The following TBC1D23 variants were observed in gnomAD, a reference collection of about 807,000 sequenced individuals.
TBC1D23 encodes the protein HCV non-structural protein 4A-transactivated protein 1.
Under a neutral mutation model 91.4 loss-of-function variants are expected in TBC1D23, and 55 were observed. That is an observed-to-expected ratio of 0.60 (90% CI 0.48 to 0.75). The LOEUF is 0.75. Among genes scored for constraint, TBC1D23 ranks in the 30% least tolerant of loss-of-function variants. The pLI is 0.00. For synonymous variants in TBC1D23, 289 were observed against 281.0 expected (o/e 1.03, Z -0.28); for missense variants, 725 against 836.1 (o/e 0.87, Z 1.64).
intron 15 of TBC1D23, among the ~76,000 whole-genome samples, chr3:100,315,325 G>C (rs1213180230): frequency 6.6e-6 from 1 of 152,024 alleles, no homozygotes; most frequent in Admixed American, 6.6e-5. Flanking sequence ...ACCATGCCCA[G>C]CCAATTTTGT....
At chr3:100,281,393 A>G (rs2067693310) in intron 2 of TBC1D23, among the ~76,000 whole-genome samples, 1 of 152,216 alleles carries the variant, frequency 6.6e-6, no homozygotes, top group Non-Finnish European at 1.5e-5. Flanking sequence ...ATTCTTTTGT[A>G]TAATTTTAAA....
Position 100,265,035 on chromosome 3 carries a change from A to G in TBC1D23, c.53+3964A>G, listed in dbSNP as rs969343512. 2.0e-5 allele frequency among the ~76,000 whole-genome samples: 3 copies of G among 152,326 alleles called. No individual in the cohort carries two copies. The South Asian group carries it at 6.2e-4, about 32-fold the overall frequency. On this transcript the variant is annotated intron_variant, in intron 1 of 18. Transcript: ENST00000394144. The stretch of plus-strand genomic sequence containing the variant: ...GGTTCTAGGTTATATATATATCAGA[A>G]TGAGTAGGTCAGAGGAATTTGTATA...
chr3:100,323,626 A>G lies in TBC1D23; in HGVS notation c.2058A>G (p.Ile686Met). Residue 686 changes from isoleucine (I) to methionine (M), a missense_variant, in exon 19 of 19, where the codon ATA becomes ATG. Physicochemically the swap from Ile to Met is conservative, Grantham distance 10. Coordinates refer to ENST00000394144, the MANE Select transcript of TBC1D23 (RefSeq NM_001199198.3). ...IPNAGDATKAIKQQIMKVLDA... is the reference protein window; with the variant it reads ...IPNAGDATKAMKQQIMKVLDA... Reference sequence around the variant, plus strand: ...ATGCAGGGGATGCAACTAAAGCCATAAAACAGCAGATCATGAAAGTTTTGG... The same window carrying G: ...ATGCAGGGGATGCAACTAAAGCCATGAAACAGCAGATCATGAAAGTTTTGG... 1 of 1,539,860 alleles carries G rather than the reference A, an allele frequency of 6.5e-7. No individual in the cohort carries two copies. The highest frequency in any genetic ancestry group is 2.4e-5 in the East Asian group (1 of 42,112).
chr3:100,263,577 A>G (rs1445468321), intron 1 of TBC1D23, among the ~76,000 whole-genome samples: 1 of 152,264 alleles, frequency 6.6e-6, no homozygotes, highest in African/African-American at 2.4e-5. Context: ...TCCTGCAAGA[A>G]TGGCAAGAGA....
intron 1 of TBC1D23, among the ~76,000 whole-genome samples, chr3:100,276,148 G>A (rs115824936): frequency 1.8e-3 from 274 of 151,846 alleles, no homozygotes; most frequent in African/African-American, 6.1e-3. Flanking sequence ...CCTGTTTGGC[G>A]AGAGTGTGTG....
At chr3:100,273,742 TA>T (rs1253851652) in intron 1 of TBC1D23, among the ~76,000 whole-genome samples, 2 of 152,108 alleles carry the variant, frequency 1.3e-5, no homozygotes, top group African/African-American at 4.8e-5. Flanking sequence ...TGATCTTCAA[TA>T]AACCTGACAT....
intron 1 of TBC1D23, chr3:100,261,329 G>A (rs1399481749): frequency 1.8e-6 from 1 of 541,948 alleles, no homozygotes; most frequent in Non-Finnish European, 3.3e-6. Context: ...TGTGTCGTCT[G>A]TCAGTCTCCA....
intron 1 of TBC1D23, among the ~76,000 whole-genome samples, chr3:100,274,741 G>T (rs2067630616): frequency 6.8e-6 from 1 of 147,660 alleles, no homozygotes; most frequent in South Asian, 2.1e-4. Context: ...CCCTTTTTAG[G>T]CTGTATAATA....
At chr3:100,284,778 A>G (rs1323473842) in intron 4 of TBC1D23, among the ~76,000 whole-genome samples, 2 of 152,200 alleles carry the variant, frequency 1.3e-5, no homozygotes, top group East Asian at 1.9e-4. Flanking sequence ...AACTTTAGAC[A>G]TAGTCTAGAC....
intron 1 of TBC1D23, 46 bp from the exon 2 acceptor site, chr3:100,279,603 A>G (rs2067677943): frequency 7.9e-7 from 1 of 1,265,166 alleles, no homozygotes. Context: ...GAATAAGAAA[A>G]AGTATGAGAT....
At chr3:100,277,970 A>G (rs1383633361) in intron 1 of TBC1D23, among the ~76,000 whole-genome samples, 1 of 152,204 alleles carries the variant, frequency 6.6e-6, no homozygotes, top group African/African-American at 2.4e-5. Flanking sequence ...GTTCATATGA[A>G]TTTGTAGTAG....
intron 17 of TBC1D23, among the ~76,000 whole-genome samples, chr3:100,320,298 G>A (rs141363841): frequency 2.6e-5 from 4 of 152,256 alleles, no homozygotes; most frequent in African/African-American, 9.6e-5. Context: ...TTGGGTGAGT[G>A]TTAATAATAC....
intron 9 of TBC1D23, among the ~76,000 whole-genome samples, chr3:100,298,246 CAATT>C (rs1338228065): frequency 6.6e-6 from 1 of 152,130 alleles, no homozygotes. Context: ...TAATTGTCTA[CAATT>C]AATTATTGTT....
rs71132518 is a variant in TBC1D23 at position 100,309,610 on chromosome 3, CT to C, written c.1414-774del. Among the ~76,000 whole-genome samples the C allele has an allele frequency of 2.7e-3, 318 of 116,124 alleles. 2 individuals carry two copies. The highest frequency in any genetic ancestry group is 7.4e-3 in the African/African-American group (231 of 31,424). 76.2% of individuals were successfully genotyped at this position (116,124 alleles called of 152,430 possible). ...TATCCTAAATTTTTTATTCTACCTTCTTTTTTTTTTTTTTTTTTTGAGACAG... is the reference window on the plus strand; with the variant it reads ...TATCCTAAATTTTTTATTCTACCTTCTTTTTTTTTTTTTTTTTTGAGACAG... On this transcript the variant is annotated intron_variant, in intron 13 of 18. Transcript: ENST00000394144.
chr3:100,297,804 A>T (rs996890394), intron 8 of TBC1D23, 119 bp from the exon 9 acceptor site: 1 of 817,836 alleles, frequency 1.2e-6, no homozygotes, highest in Non-Finnish European at 1.8e-6. Flanking sequence ...ATTAAGTTTT[A>T]AAAAATCACA....
chr3:100,309,858 C>T (rs531212494), intron 13 of TBC1D23, among the ~76,000 whole-genome samples: 8 of 152,132 alleles, frequency 5.3e-5, no homozygotes, highest in African/African-American at 1.7e-4. Flanking sequence ...ATCCACCTGC[C>T]TCGGCCTCCC....
intron 18 of TBC1D23, 127 bp downstream of exon 18, chr3:100,321,098 T>C: frequency 4.4e-6 from 3 of 674,952 alleles, no homozygotes; most frequent in Non-Finnish European, 7.2e-6. Flanking sequence ...GAACCACTTT[T>C]AGTGTTTCTT....
In TBC1D23 at chr3:100,296,194, C is replaced by T. The variant is rs373804613; in HGVS notation, c.795C>T (p.Ser265=). 37 of 1,583,404 alleles carry T rather than the reference C, an allele frequency of 2.3e-5. 1 individual carries two copies. The South Asian group carries it at 4.2e-4, about 18-fold the overall frequency. The part of the protein sequence containing the change: ...EVIKFLENTP[S]SLNIEDIEDL... Reference sequence around the variant, plus strand: ...CAGAGTTCTTGGAAAATACTCCATCCAGTCTGAATATAGAAGATATAGAAG... The same window carrying T: ...CAGAGTTCTTGGAAAATACTCCATCTAGTCTGAATATAGAAGATATAGAAG... The change falls in exon 8 of 19, where the codon TCC becomes TCT. Residue 265 remains serine, a synonymous_variant. Transcript: ENST00000394144.
chr3:100,301,880 T>C (rs1056701879), intron 10 of TBC1D23, 187 bp from the exon 11 acceptor site: 2 of 500,782 alleles, frequency 4.0e-6, no homozygotes, highest in African/African-American at 4.0e-5. Flanking sequence ...TTTGTTCTAT[T>C]GTATTATAGA....
Sources: allele counts gnomAD v4.1 joint callset (sites outside exome capture counted in the v4.1 genomes callset), GRCh38; gene constraint gnomAD v4.1.1; transcripts MANE v1.5; gene names NCBI Gene and HGNC (gene_info 2026-07-23, HGNC 2026-07-21).